Variants in PRPF18 observed in about 807,000 individuals in gnomAD.
The protein encoded by PRPF18 is pre-mRNA processing factor 18.
In PRPF18, 38 loss-of-function variants were observed where a neutral mutation model predicts 46.5. The observed-to-expected ratio is 0.82, with a 90% CI of 0.63 to 1.07. The LOEUF is 1.07. PRPF18 is among the 50% of genes least tolerant of loss of function. The probability of loss-of-function intolerance (pLI) is 0.00; values close to 1 mark genes in which losing one functional copy is unlikely to be tolerated. For synonymous variants in PRPF18, 152 were observed against 146.7 expected, an observed-to-expected ratio of 1.04 and a Z score of -0.26; for missense variants, 263 against 410.0, an observed-to-expected ratio of 0.64 and a Z score of 3.10.
At chr10:13,655,640 G>A in the PRPF18 span, 4 of 152,106 alleles carry the variant, frequency 2.6e-5, no homozygotes, top group East Asian at 7.7e-4. Flanking sequence ...CTGTCTCCAG[G>A]CACCAAGAAT....
In PRPF18 at chr10:13,630,434, CTG is replaced by C; in HGVS notation, c.*95_*96del. 2 of 1,022,582 alleles carry C rather than the reference CTG, an allele frequency of 2.0e-6. No homozygotes were observed. Among genetic ancestry groups the C allele is most frequent in the Admixed American group, 4.5e-5 (2 of 44,168 alleles). The allele number at this position is 1,022,582 out of a possible 1,614,324, so 63.3% of individuals were successfully genotyped here. The stretch of plus-strand genomic sequence containing the variant: ...CAACAGGAATGAGGAAAGAAGAAAA[CTG>C]GAGTTTCCAGTCTCTGAGTTCTACC... On this transcript the variant is annotated 3_prime_UTR_variant, in exon 10 of 10. Coordinates refer to ENST00000378572, the MANE Select transcript of PRPF18 (RefSeq NM_003675.4).
intron 3 of PRPF18, among the ~76,000 whole-genome samples, chr10:13,603,495 C>T (rs1261962242): frequency 6.6e-6 from 1 of 152,168 alleles, no homozygotes; most frequent in Non-Finnish European, 1.5e-5. Context: ...ATGCACTCCT[C>T]ACAACTTGGC....
chr10:13,620,154 T>G (rs2080402031), intron 9 of PRPF18, among the ~76,000 whole-genome samples: 1 of 152,170 alleles, frequency 6.6e-6, no homozygotes, highest in African/African-American at 2.4e-5. Context: ...GTTGGCAAAA[T>G]TTTCCTTAAA....
Position 13,612,699 on chromosome 10 carries a change from C to T in PRPF18, c.579+1016C>T, listed in dbSNP as rs2080288600. ...CTAGGCTGGAGTGCAGTGGTGTCAT[C>T]CTAGCTCGCTGTAACCTTGAAATCC... is the stretch of plus-strand genomic sequence containing the variant. On this transcript the variant is annotated intron_variant, in intron 6 of 9. Transcript: ENST00000378572. Among the ~76,000 whole-genome samples, 4 of 142,028 alleles carry T rather than the reference C, an allele frequency of 2.8e-5. No homozygotes were observed. In the South Asian group the frequency reaches 9.0e-4, roughly 32 times the overall value. 93.2% of individuals were successfully genotyped at this position (142,028 alleles called of 152,430 possible).
rs757591037 is a variant in PRPF18 at position 13,587,019 on chromosome 10, C to A, written c.-68C>A. 4 of 1,539,776 alleles carry A rather than the reference C, an allele frequency of 2.6e-6. No homozygotes were observed. The highest frequency in any genetic ancestry group is 2.2e-5 in the East Asian group (1 of 44,518). On this transcript the variant is annotated 5_prime_UTR_variant, in exon 1 of 10. Transcript: ENST00000378572. ...TCCGTATACTCAGTGGGTTCGCGGC[C>A]GCCGGCCCAGTGAGGCTGGGTTCGA... is the stretch of plus-strand genomic sequence containing the variant.
rs533551741 is a variant in PRPF18, at chr10:13,588,651, C to T, written c.66+1499C>T. Among the ~76,000 whole-genome samples the T allele has an allele frequency of 6.6e-5, 10 of 152,006 alleles. No individual in the cohort carries two copies. The South Asian group carries it at 1.7e-3, about 25-fold the overall frequency. On this transcript the variant is annotated intron_variant, in intron 1 of 9. Transcript: ENST00000378572. ...AATTTTTTAAATTCTATTCCTCCTC[C>T]TTCTCTCTTCTTCAACACATGAAAA... is the stretch of plus-strand genomic sequence containing the variant.
chr10:13,649,273 A>G, the PRPF18 span: 1 of 147,366 alleles, frequency 6.8e-6, no homozygotes, highest in African/African-American at 2.5e-5. Flanking sequence ...CATTGAGTTC[A>G]AAGCAGTGAT....
chr10:13,590,452 AAT>A (rs376434379), intron 1 of PRPF18, among the ~76,000 whole-genome samples: 38 of 140,494 alleles, frequency 2.7e-4, no homozygotes, highest in Admixed American at 7.7e-4. Flanking sequence ...AAAAAAAAAA[AAT>A]ATATATATAT....
At chr10:13,613,538 T>C (rs370525112) in intron 6 of PRPF18, among the ~76,000 whole-genome samples, 2 of 152,210 alleles carry the variant, frequency 1.3e-5, no homozygotes, top group African/African-American at 4.8e-5. Context: ...ACTAGGGAAG[T>C]TGGTGACTTG....
chr10:13,642,833 A>C, the PRPF18 span: 1 of 152,084 alleles, frequency 6.6e-6, no homozygotes, highest in African/African-American at 2.4e-5. Context: ...GGAAGTAGAG[A>C]ACACTCTCTT....
At chr10:13,588,623 C>T (rs2079912364) in intron 1 of PRPF18, among the ~76,000 whole-genome samples, 1 of 151,476 alleles carries the variant, frequency 6.6e-6, no homozygotes, top group African/African-American at 2.4e-5. Flanking sequence ...AATAGTAAAT[C>T]CCAATTTTTT....
rs566484933 is a variant in PRPF18, at chr10:13,600,275, T to C, written c.176T>C (p.Leu59Ser). The change falls in exon 3 of 10, where the codon TTA (leucine) becomes TCA (serine). Residue 59 changes from leucine to serine, a missense_variant. Coordinates refer to ENST00000378572, the MANE Select transcript of PRPF18 (RefSeq NM_003675.4). ...IQPKEEDQKP[L>S]TSSNPVLELE... ...CCAAAAGAGGAGGACCAGAAACCAT[T>C]AACTTCATCGAATCCAGTGTTAGAA... is the stretch of plus-strand genomic sequence containing the variant. The C allele has an allele frequency of 1.9e-6, 3 of 1,612,068 alleles. No homozygotes were observed. Among genetic ancestry groups the C allele is most frequent in the Middle Eastern group, 1.7e-4 (1 of 6,048 alleles).
chr10:13,609,366 G>A (rs556752306), intron 4 of PRPF18, among the ~76,000 whole-genome samples: 5 of 152,280 alleles, frequency 3.3e-5, no homozygotes, highest in African/African-American at 1.2e-4. Flanking sequence ...CTTTCAAAGA[G>A]CTATTTAATA....
intron 1 of PRPF18, among the ~76,000 whole-genome samples, chr10:13,589,310 AAGCCAGTTT>A (rs2079923577): frequency 6.6e-6 from 1 of 152,206 alleles, no homozygotes; most frequent in Non-Finnish European, 1.5e-5. Flanking sequence ...TTCCGTGAAA[AAGCCAGTTT>A]AGCTTGCAAC....
At chr10:13,589,984 A>G (rs2079933646) in intron 1 of PRPF18, among the ~76,000 whole-genome samples, 2 of 152,140 alleles carry the variant, frequency 1.3e-5, no homozygotes, top group Admixed American at 1.3e-4. Flanking sequence ...AGGAAGGGCC[A>G]GGGTGTTGAA....
chr10:13,628,231 A>T (rs2080539105), intron 9 of PRPF18, among the ~76,000 whole-genome samples: 1 of 152,190 alleles, frequency 6.6e-6, no homozygotes, highest in African/African-American at 2.4e-5. Flanking sequence ...TAAATCTCAT[A>T]ATGTGGGCAA....
intron 6 of PRPF18, among the ~76,000 whole-genome samples, chr10:13,612,910 T>C (rs2080292224): frequency 6.6e-6 from 1 of 152,170 alleles, no homozygotes; most frequent in African/African-American, 2.4e-5. Context: ...AGATAGAGTA[T>C]GAACAAATCC....
At chr10:13,622,686 A>C (rs2133946225) in intron 9 of PRPF18, among the ~76,000 whole-genome samples, 1 of 152,334 alleles carries the variant, frequency 6.6e-6, no homozygotes. Flanking sequence ...AGGCAGTTTG[A>C]GTTAGTCTGA....
chr10:13,622,772 G>A (rs1277375666), intron 9 of PRPF18, among the ~76,000 whole-genome samples: 2 of 152,106 alleles, frequency 1.3e-5, no homozygotes, highest in East Asian at 3.8e-4. Flanking sequence ...CTTACAGTGG[G>A]CTTCTTATTA....
Sources: gnomAD v4.1 joint callset for allele counts (sites outside exome capture counted in the v4.1 genomes callset) on GRCh38, gnomAD v4.1.1 for gene constraint, MANE v1.5 for transcripts, NCBI Gene and HGNC (gene_info 2026-07-23, HGNC 2026-07-21) for gene names.